VGLL4: variants seen among roughly 807,000 people sequenced by gnomAD.
VGLL4 encodes vestigial like family member 4, also known as transcription cofactor vestigial-like protein 4.
A neutral mutation model predicts 21.0 loss-of-function variants in VGLL4; 7 were observed. The ratio of observed to expected loss-of-function variants is 0.33; its 90% CI spans 0.19 to 0.63. The LOEUF (loss-of-function observed/expected upper bound fraction) is 0.63, where lower values mean the gene tolerates loss of function less well. Among genes scored for constraint, VGLL4 ranks in the 20% least tolerant of loss-of-function variants. The probability of loss-of-function intolerance (pLI) is 0.78; values close to 1 mark genes in which losing one functional copy is unlikely to be tolerated. For missense variants in VGLL4, 394 were observed against 425.7 expected (o/e 0.93, Z 0.66); for synonymous variants, 222 against 173.2 (o/e 1.28, Z -2.21).
At chr3:11,700,357 G>C (rs1005363194) in intron 2 of VGLL4, among the ~76,000 whole-genome samples, 7 of 152,158 alleles carry the variant, frequency 4.6e-5, no homozygotes, top group African/African-American at 7.2e-5. Flanking sequence ...CATTGTAAAA[G>C]AGAGAAATTC....
Position 11,565,004 on chromosome 3 carries a change from A to G in VGLL4, c.288T>C (p.Asn96=). 1 of 1,497,066 alleles carries G rather than the reference A, an allele frequency of 6.7e-7. No individual in the cohort carries two copies. The highest frequency in any genetic ancestry group is 8.9e-7 in the Non-Finnish European group (1 of 1,124,952). 92.7% of individuals were successfully genotyped at this position (1,497,066 alleles called of 1,614,324 possible). ...CCCGGGGGTCTCTGCGGCAGTCTCC[A>G]TTGGCAGTCTTGTTCCTGAAAAAGA... The part of the protein sequence containing the change: ...IFNPHLNKTA[N]GDCRRDPRER... The change falls in exon 3 of 5, where the codon AAT becomes AAC. Residue 96 remains asparagine, a synonymous_variant. Coordinates refer to ENST00000430365, the MANE Select transcript of VGLL4 (RefSeq NM_001128219.3). The surrounding 1 kb of genome is among the most constrained non-coding windows in gnomAD (Gnocchi z 4.1).
intron 1 of VGLL4, among the ~76,000 whole-genome samples, chr3:11,608,855 T>C (rs542989363): frequency 1.3e-4 from 20 of 152,260 alleles, no homozygotes; most frequent in African/African-American, 4.8e-4. Flanking sequence ...ACAGCACTGG[T>C]CTCTTCAACC....
At chr3:11,573,964 GGAA>G (rs1399247238) in intron 2 of VGLL4, among the ~76,000 whole-genome samples, 1 of 152,172 alleles carries the variant, frequency 6.6e-6, no homozygotes, top group African/African-American at 2.4e-5. Flanking sequence ...ACATACGGAG[GGAA>G]GAAGATGTGA....
chr3:11,590,117 C>A (rs1462424265), intron 2 of VGLL4, among the ~76,000 whole-genome samples: 3 of 152,220 alleles, frequency 2.0e-5, no homozygotes, highest in Non-Finnish European at 4.4e-5. Context: ...CCAGGGAACA[C>A]TTCCGTTTCC....
intron 2 of VGLL4, among the ~76,000 whole-genome samples, chr3:11,684,238 A>C (rs948365758): frequency 6.6e-6 from 1 of 152,132 alleles, no homozygotes; most frequent in Admixed American, 6.6e-5. Flanking sequence ...CCCTACCACA[A>C]GTTTGTTATT....
chr3:11,559,796 T>G (rs1002599080), intron 3 of VGLL4, among the ~76,000 whole-genome samples: 21 of 152,228 alleles, frequency 1.4e-4, no homozygotes, highest in Admixed American at 1.4e-3. Context: ...AGGAGGGACC[T>G]CGATTCTCCC....
chr3:11,671,244 T>C, intron 2 of VGLL4: 1 of 1,558,826 alleles, frequency 6.4e-7, no homozygotes, highest in Non-Finnish European at 8.6e-7. Flanking sequence ...AATGTGAAAA[T>C]CAAAAGAACA....
chr3:11,661,963 C>G (rs2076045384), intron 2 of VGLL4, among the ~76,000 whole-genome samples: 1 of 152,158 alleles, frequency 6.6e-6, no homozygotes, highest in African/African-American at 2.4e-5. Context: ...AGTGGAGACA[C>G]TGATGGAAAC....
intron 2 of VGLL4, among the ~76,000 whole-genome samples, chr3:11,684,564 A>G (rs1236340964): frequency 6.6e-6 from 1 of 151,982 alleles, no homozygotes; most frequent in Non-Finnish European, 1.5e-5. Flanking sequence ...TATTTTTTGC[A>G]GAGACAGGGT....
At chr3:11,607,855 C>G (rs1336794900) in intron 1 of VGLL4, among the ~76,000 whole-genome samples, 1 of 152,174 alleles carries the variant, frequency 6.6e-6, no homozygotes, top group East Asian at 1.9e-4. Context: ...CAGTGAAACA[C>G]TTGAGGTGAC....
intron 1 of VGLL4, among the ~76,000 whole-genome samples, chr3:11,704,472 C>T (rs1044881968): frequency 6.8e-6 from 1 of 147,400 alleles, no homozygotes; most frequent in Non-Finnish European, 1.5e-5. Context: ...ATTCAGTAAA[C>T]GTTAAATATC....
At chr3:11,673,949 T>G (rs1357219232) in intron 2 of VGLL4, among the ~76,000 whole-genome samples, 7 of 141,588 alleles carry the variant, frequency 4.9e-5, no homozygotes, top group Non-Finnish European at 9.0e-5. Context: ...GAGGTGGAGG[T>G]TGCAGTGAGC....
intron 2 of VGLL4, chr3:11,702,886 A>G: frequency 7.6e-7 from 1 of 1,307,832 alleles, no homozygotes; most frequent in South Asian, 1.5e-5. Flanking sequence ...AAAACCATGT[A>G]GAGAAGCATG....
At chr3:11,659,955 G>A (rs2076015131) in intron 2 of VGLL4, among the ~76,000 whole-genome samples, 1 of 152,130 alleles carries the variant, frequency 6.6e-6, no homozygotes, top group African/African-American at 2.4e-5. Flanking sequence ...GAGGTCAGGA[G>A]ATTGAGACAT....
At chr3:11,592,919 G>A (rs554465102) in intron 2 of VGLL4, among the ~76,000 whole-genome samples, 3 of 152,222 alleles carry the variant, frequency 2.0e-5, no homozygotes, top group South Asian at 2.1e-4. Flanking sequence ...AACAAGCCCT[G>A]GAAAAAAGCC....
intron 2 of VGLL4, among the ~76,000 whole-genome samples, chr3:11,590,661 AGAGT>A (rs1478098118): frequency 4.5e-5 from 5 of 110,124 alleles, no homozygotes; most frequent in African/African-American, 1.8e-4. Flanking sequence ...TTCAAAATGA[AGAGT>A]GTGTGTGTGT....
chr3:11,690,156 C>T (rs1227567798), intron 2 of VGLL4, among the ~76,000 whole-genome samples: 4 of 151,976 alleles, frequency 2.6e-5, no homozygotes, highest in African/African-American at 9.7e-5. Context: ...AGCTTTTAAT[C>T]CCCCCCTTTT....
chr3:11,693,118 C>A, intron 2 of VGLL4: 1 of 213,722 alleles, frequency 4.7e-6, no homozygotes, highest in Non-Finnish European at 1.0e-5. Context: ...TTGCAGTGAG[C>A]CAAGATTGTG....
At chr3:11,584,909 C>T (rs1057225391) in intron 2 of VGLL4, among the ~76,000 whole-genome samples, 3 of 152,228 alleles carry the variant, frequency 2.0e-5, no homozygotes, top group South Asian at 4.1e-4. Context: ...CTGCCCTCTC[C>T]CAGCACCCAG....
Sources: allele counts gnomAD v4.1 joint callset (sites outside exome capture counted in the v4.1 genomes callset), GRCh38; gene constraint gnomAD v4.1.1; non-coding constraint Gnocchi (gnomAD v3.1); transcripts MANE v1.5; gene names NCBI Gene and HGNC (gene_info 2026-07-23, HGNC 2026-07-21).